Variants in KAZN observed in about 807,000 individuals in gnomAD.
The protein encoded by KAZN is kazrin, periplakin interacting protein, also known as kazrin.
A neutral mutation model predicts 87.4 loss-of-function variants in KAZN; 40 were observed. The observed-to-expected ratio is 0.46, with a 90% CI of 0.36 to 0.60. KAZN has a LOEUF of 0.60. Ranked by LOEUF, KAZN falls within the 20% of genes least tolerant of loss-of-function variation. The pLI, the probability that KAZN is intolerant of heterozygous loss-of-function variation, is 0.00. For synonymous variants in KAZN, 466 were observed against 458.3 expected (o/e 1.02, Z -0.22); for missense variants, 898 against 1,073.9 (o/e 0.84, Z 2.29).
At chr1:13,983,367 C>G (rs1170898590) in intron 1 of KAZN, among the ~76,000 whole-genome samples, 1 of 152,252 alleles carries the variant, frequency 6.6e-6, no homozygotes, top group Admixed American at 6.5e-5. Context: ...GCTGGCACTG[C>G]TGGGGGACCC....
intron 2 of KAZN, among the ~76,000 whole-genome samples, chr1:14,457,317 C>T (rs952717494): frequency 5.3e-5 from 8 of 152,160 alleles, no homozygotes; most frequent in African/African-American, 1.7e-4. Context: ...TAGAGTTTCT[C>T]TTCTCTAAAA....
chr1:14,261,790 T>A (rs1421721471), intron 2 of KAZN, among the ~76,000 whole-genome samples: 1 of 152,070 alleles, frequency 6.6e-6, no homozygotes, highest in Non-Finnish European at 1.5e-5. Context: ...GTTCCTGAAG[T>A]CTGTCTTGCG....
intron 1 of KAZN, among the ~76,000 whole-genome samples, chr1:14,709,900 G>A (rs72866861): frequency 0.037 from 5,701 of 152,176 alleles, 362 homozygotes; most frequent in African/African-American, 0.13. Flanking sequence ...GGCCCAGAGA[G>A]GTTAAGATAC....
At position 14,385,524 on chromosome 1, in the gene KAZN, G is replaced by A. The variant is rs561167319; in HGVS notation, c.249+204932G>A. Reference sequence around the variant, plus strand: ...TCTGGTATGTTGTGTCTTTGTTCTCGTTGGTTTCAAAGAACATCTTTATTT... The same window carrying A: ...TCTGGTATGTTGTGTCTTTGTTCTCATTGGTTTCAAAGAACATCTTTATTT... On this transcript the variant is annotated intron_variant, in intron 2 of 16. Transcript: ENST00000636203. Among the ~76,000 whole-genome samples the A allele has an allele frequency of 5.6e-3, 850 of 152,104 alleles. 10 individuals carry two copies. Among genetic ancestry groups the A allele is most frequent in the African/African-American group, 0.019 (801 of 41,460 alleles).
chr1:15,002,201 G>A (rs16851112), intron 2 of KAZN, among the ~76,000 whole-genome samples: 15,317 of 152,122 alleles, frequency 0.1, 856 homozygotes, highest in South Asian at 0.18. Flanking sequence ...TGTATTCGAC[G>A]GTCACAGTCC....
chr1:14,478,250 GAAGGAAGGAAGGAAGGAAGGAAGA>G (rs1168779982), intron 2 of KAZN, among the ~76,000 whole-genome samples: 5 of 53,946 alleles, frequency 9.3e-5, no homozygotes, highest in Admixed American at 1.9e-4. Flanking sequence ...GGAAGGAAAA[GAAGGAAGGAAGGAAGGAAGGAAGA>G]AAGGAAGGAA....
intron 1 of KAZN, among the ~76,000 whole-genome samples, chr1:14,887,593 C>T (rs1293983586): frequency 6.6e-6 from 1 of 151,830 alleles, no homozygotes; most frequent in Non-Finnish European, 1.5e-5. Flanking sequence ...AACATGCAAC[C>T]TTCCCTGCAA....
At chr1:14,927,746 C>T (rs1659324723) in intron 1 of KAZN, among the ~76,000 whole-genome samples, 1 of 152,182 alleles carries the variant, frequency 6.6e-6, no homozygotes, top group Non-Finnish European at 1.5e-5. Context: ...GCCACGTGGC[C>T]TTATTCTGCC....
intron 1 of KAZN, among the ~76,000 whole-genome samples, chr1:14,009,254 G>A (rs1245287570): frequency 6.6e-6 from 1 of 152,136 alleles, no homozygotes; most frequent in Admixed American, 6.5e-5. Context: ...AAATAATACT[G>A]CTATGAGCAT....
chr1:14,917,918 G>A (rs570040809), intron 1 of KAZN, among the ~76,000 whole-genome samples: 23 of 150,196 alleles, frequency 1.5e-4, no homozygotes, highest in South Asian at 6.3e-4. Flanking sequence ...TTGCTCTGTC[G>A]CCCAGGCTGG....
chr1:14,331,131 A>T (rs1557644132), intron 2 of KAZN, among the ~76,000 whole-genome samples: 1 of 152,188 alleles, frequency 6.6e-6, no homozygotes, highest in African/African-American at 2.4e-5. Context: ...ATGGAATAGG[A>T]AAGTCCTGGT....
intron 1 of KAZN, among the ~76,000 whole-genome samples, chr1:14,835,863 T>C (rs2100905085): frequency 6.6e-6 from 1 of 151,526 alleles, no homozygotes; most frequent in African/African-American, 2.4e-5. Flanking sequence ...CATTGAGGTT[T>C]GAGGGGCACC....
chr1:14,621,023 G>A (rs1004028640), intron 1 of KAZN, among the ~76,000 whole-genome samples: 3 of 152,110 alleles, frequency 2.0e-5, no homozygotes, highest in Non-Finnish European at 4.4e-5. Context: ...CTTGCTGGCT[G>A]GCCACAGAGC....
intron 1 of KAZN, among the ~76,000 whole-genome samples, chr1:14,830,336 C>A (rs1647018235): frequency 6.6e-6 from 1 of 152,184 alleles, no homozygotes; most frequent in Admixed American, 6.5e-5. Flanking sequence ...GGAGAACTCT[C>A]CTTGGCCCAA....
intron 1 of KAZN, among the ~76,000 whole-genome samples, chr1:14,946,495 G>C (rs996541148): frequency 6.6e-6 from 1 of 151,872 alleles, no homozygotes; most frequent in African/African-American, 2.4e-5. Context: ...CTGCCACCAC[G>C]CTTGGCTAAT....
At chr1:14,131,521 A>G (rs1038092714) in intron 1 of KAZN, among the ~76,000 whole-genome samples, 2 of 152,028 alleles carry the variant, frequency 1.3e-5, no homozygotes, top group East Asian at 3.9e-4. Context: ...TATATGTTTT[A>G]TTGTGTTCTG....
In KAZN at chr1:13,925,674, TG is replaced by T. The variant is rs545208791; in HGVS notation, c.91+31921del. ...GTTGAAGGGAATTTAGATTTTGTTATGGGTGAAAGGGGAAGCTGGGAATGCA... is the reference window on the plus strand; with the variant it reads ...GTTGAAGGGAATTTAGATTTTGTTATGGTGAAAGGGGAAGCTGGGAATGCA... On this transcript the variant is annotated intron_variant, in intron 1 of 16. Coordinates refer to the KAZN transcript ENST00000636203. Among the ~76,000 whole-genome samples the T allele has an allele frequency of 2.0e-5, 3 of 152,218 alleles. No individual in the cohort carries two copies. The East Asian group carries it at 5.8e-4, about 29-fold the overall frequency.
intron 1 of KAZN, among the ~76,000 whole-genome samples, chr1:13,896,441 C>T (rs1185000371): frequency 6.6e-6 from 1 of 152,094 alleles, no homozygotes; most frequent in African/African-American, 2.4e-5. Context: ...AGGCATGTAC[C>T]ACCATTCCAG....
chr1:14,026,572 C>T (rs1010330595), intron 1 of KAZN, among the ~76,000 whole-genome samples: 4 of 152,162 alleles, frequency 2.6e-5, no homozygotes, highest in South Asian at 2.1e-4. Context: ...AATAATTTGT[C>T]GAGTGCCAGC....
Sources: gnomAD v4.1 joint callset for allele counts (sites outside exome capture counted in the v4.1 genomes callset) on GRCh38, gnomAD v4.1.1 for gene constraint, MANE v1.5 for transcripts, NCBI Gene and HGNC (gene_info 2026-07-23, HGNC 2026-07-21) for gene names.